The following LRCH1 variants were observed in gnomAD, a reference collection of about 807,000 sequenced individuals.
LRCH1 encodes the protein leucine-rich repeat and calponin homology domain-containing protein 1.
LRCH1 carries 23 observed loss-of-function variants against 94.9 expected under a neutral mutation model. That is an observed-to-expected ratio of 0.24 (90% CI 0.17 to 0.34). The LOEUF is 0.34. LRCH1 is among the 10% of genes least tolerant of loss of function. The pLI is 1.00. For synonymous variants in LRCH1, 364 were observed against 354.9 expected (o/e 1.03, Z -0.29); for missense variants, 790 against 945.9 (o/e 0.84, Z 2.16).
At chr13:46,725,526 G>A (rs1269691942) in intron 17 of LRCH1, among the ~76,000 whole-genome samples, 1 of 152,162 alleles carries the variant, frequency 6.6e-6, no homozygotes, top group Non-Finnish European at 1.5e-5. Context: ...CTATTGGGGA[G>A]AGATAGTAAA....
intron 1 of LRCH1, among the ~76,000 whole-genome samples, chr13:46,606,148 ATGTGTGTGTGTGTG>A (rs3991577): frequency 8.1e-5 from 12 of 148,618 alleles, no homozygotes; most frequent in African/African-American, 2.7e-4. Flanking sequence ...TTTTAACCTT[ATGTGTGTGTGTGTG>A]TGTGTGTGTG....
Position 46,688,476 on chromosome 13 carries a change from A to G in LRCH1, c.950+497A>G, listed in dbSNP as rs369759820. ...ACTTCCTGTTTCAAATGGAAAAGTTAGAACCCTTTCACACATCCTAGAGCT... is the reference window on the plus strand; with the variant it reads ...ACTTCCTGTTTCAAATGGAAAAGTTGGAACCCTTTCACACATCCTAGAGCT... On this transcript the variant is annotated intron_variant, in intron 6 of 19. Coordinates refer to ENST00000389797, the MANE Select transcript of LRCH1 (RefSeq NM_001164211.2). Among the ~76,000 whole-genome samples, 7 of 152,360 alleles carry G rather than the reference A, an allele frequency of 4.6e-5. No individual in the cohort carries two copies. In the South Asian group the frequency reaches 1.5e-3, roughly 32 times the overall value.
At chr13:46,726,862 CAAAAA>C (rs71077918) in intron 17 of LRCH1, among the ~76,000 whole-genome samples, 161 of 78,014 alleles carry the variant, frequency 2.1e-3, no homozygotes, top group African/African-American at 5.3e-3. Context: ...AGAGCAGTGT[CAAAAA>C]AAAAAAAAAA....
rs528604291 is a variant in LRCH1 at position 46,629,163 on chromosome 13, C to T, written c.308-21038C>T. Among the ~76,000 whole-genome samples, 7 of 152,246 alleles carry T rather than the reference C, an allele frequency of 4.6e-5. No homozygotes were observed. In the South Asian group the frequency reaches 1.5e-3, roughly 32 times the overall value. ...CCCCAAGGGCAAAGTTCCAGGGCTG[C>T]CTAGGGGCAAAATCAGTGAACAGAG... On this transcript the variant is annotated intron_variant, in intron 1 of 19. Coordinates refer to ENST00000389797, the MANE Select transcript of LRCH1 (RefSeq NM_001164211.2).
In LRCH1 at chr13:46,560,665, A is replaced by G. The variant is rs2050120667; in HGVS notation, c.307+6962A>G. On this transcript the variant is annotated intron_variant, in intron 1 of 19. Coordinates refer to ENST00000389797, the MANE Select transcript of LRCH1 (RefSeq NM_001164211.2). ...GTTATTGCTACTAGTCTTTTGTTGC[A>G]TGAAAGATTTTTGTTTTTGCATCAG... 2.6e-5 allele frequency among the ~76,000 whole-genome samples: 4 copies of G among 152,328 alleles called. No homozygotes were observed. The South Asian group carries it at 8.3e-4, about 32-fold the overall frequency.
chr13:46,721,209 C>G (rs1300832215), intron 16 of LRCH1, among the ~76,000 whole-genome samples: 2 of 152,144 alleles, frequency 1.3e-5, no homozygotes, highest in Non-Finnish European at 2.9e-5. Flanking sequence ...GTTTCATATT[C>G]AGATTGAAAT....
chr13:46,714,439 A>G (rs1296237571), intron 15 of LRCH1, among the ~76,000 whole-genome samples: 1 of 152,220 alleles, frequency 6.6e-6, no homozygotes, highest in East Asian at 1.9e-4. Context: ...GAAAGCATAT[A>G]GTTTTAAAAG....
At chr13:46,615,740 G>A (rs1446671196) in intron 1 of LRCH1, among the ~76,000 whole-genome samples, 1 of 152,156 alleles carries the variant, frequency 6.6e-6, no homozygotes, top group African/African-American at 2.4e-5. Flanking sequence ...ATGTTTTTCA[G>A]TTGTATTATC....
At chr13:46,686,470 C>A (rs903416183) in intron 5 of LRCH1, among the ~76,000 whole-genome samples, 2 of 152,106 alleles carry the variant, frequency 1.3e-5, no homozygotes, top group African/African-American at 4.8e-5. Context: ...GAAGTCAGAT[C>A]ATTTCTTTAT....
chr13:46,718,365 AT>A (rs958748572), intron 16 of LRCH1, among the ~76,000 whole-genome samples: 1 of 152,210 alleles, frequency 6.6e-6, no homozygotes, highest in African/African-American at 2.4e-5. Context: ...CATTAGAGAA[AT>A]GAAGAAACTG....
intron 10 of LRCH1, 53 bp from the exon 11 acceptor site, chr13:46,701,068 A>T: frequency 1.9e-6 from 2 of 1,063,354 alleles, no homozygotes; most frequent in Non-Finnish European, 1.4e-6. Context: ...AAATTAGATG[A>T]TATTCATGTT....
chr13:46,587,037 G>A (rs2050443027), intron 1 of LRCH1, among the ~76,000 whole-genome samples: 2 of 152,164 alleles, frequency 1.3e-5, no homozygotes, highest in Non-Finnish European at 2.9e-5. Context: ...GATGCCGTGT[G>A]GTTTGCTAAG....
At position 46,740,259 on chromosome 13, in the gene LRCH1, G is replaced by C. The variant is rs151259900; in HGVS notation, c.2086-1383G>C. On this transcript the variant is annotated intron_variant, in intron 19 of 19. Coordinates refer to ENST00000389797, the MANE Select transcript of LRCH1 (RefSeq NM_001164211.2). Reference sequence around the variant, plus strand: ...TCTTGGGAGAACCCTAACAGTGGTAGCTTGATTTCTCCAGATCCACTGAGA... The same window carrying C: ...TCTTGGGAGAACCCTAACAGTGGTACCTTGATTTCTCCAGATCCACTGAGA... 2.9e-4 allele frequency among the ~76,000 whole-genome samples: 44 copies of C among 152,288 alleles called. No homozygotes were observed. The East Asian group carries it at 5.2e-3, about 18-fold the overall frequency.
intron 1 of LRCH1, among the ~76,000 whole-genome samples, chr13:46,639,217 C>G (rs138935411): frequency 6.6e-6 from 1 of 152,278 alleles, no homozygotes; most frequent in Non-Finnish European, 1.5e-5. Flanking sequence ...GCAGCCGTAG[C>G]GTCCACAGAG....
intron 19 of LRCH1, among the ~76,000 whole-genome samples, chr13:46,736,118 CTGTGTGTGTGTGTGTG>C (rs3138585): frequency 2.1e-5 from 3 of 142,208 alleles, no homozygotes; most frequent in East Asian, 2.0e-4. Flanking sequence ...CAAATTTGCT[CTGTGTGTGTGTGTGTG>C]TGTGTGTGTG....
At chr13:46,610,286 G>A (rs2050733415) in intron 1 of LRCH1, among the ~76,000 whole-genome samples, 1 of 151,934 alleles carries the variant, frequency 6.6e-6, no homozygotes, top group South Asian at 2.1e-4. Context: ...TACATTTTTT[G>A]GCTCACTGTT....
At chr13:46,704,560 A>G (rs1295623173) in intron 11 of LRCH1, among the ~76,000 whole-genome samples, 1 of 152,106 alleles carries the variant, frequency 6.6e-6, no homozygotes, top group Non-Finnish European at 1.5e-5. Context: ...GTCTTTAAGA[A>G]CAAAAAATCT....
chr13:46,731,064 T>C (rs1020619467), intron 18 of LRCH1, among the ~76,000 whole-genome samples: 2 of 150,612 alleles, frequency 1.3e-5, no homozygotes, highest in Admixed American at 6.6e-5. Flanking sequence ...CATTCTTTAT[T>C]CTCCTCCTAC....
intron 1 of LRCH1, among the ~76,000 whole-genome samples, chr13:46,619,302 G>T (rs1714316328): frequency 6.6e-6 from 1 of 151,986 alleles, no homozygotes; most frequent in African/African-American, 2.4e-5. Context: ...GTCGAGATGG[G>T]GTTTCGCCAC....
Sources: allele counts gnomAD v4.1 joint callset (sites outside exome capture counted in the v4.1 genomes callset), GRCh38; gene constraint gnomAD v4.1.1; transcripts MANE v1.5; gene names NCBI Gene and HGNC (gene_info 2026-07-23, HGNC 2026-07-21).